Variants in PPP2R2A observed in about 807,000 individuals in gnomAD.
PPP2R2A encodes the protein protein phosphatase 2 regulatory subunit Balpha.
Under a neutral mutation model 53.2 loss-of-function variants are expected in PPP2R2A, and 9 were observed. That is an observed-to-expected ratio of 0.17 (90% confidence interval 0.10 to 0.30). PPP2R2A has a LOEUF of 0.30. Ranked by LOEUF, PPP2R2A falls within the 10% of genes least tolerant of loss-of-function variation. The pLI is 1.00. For synonymous variants in PPP2R2A, 169 were observed against 174.2 expected, an observed-to-expected ratio of 0.97 and a Z score of 0.23; for missense variants, 235 against 534.6, an observed-to-expected ratio of 0.44 and a Z score of 5.53.
At chr8:26,302,579 T>A (rs1479408772) in intron 2 of PPP2R2A, among the ~76,000 whole-genome samples, 1 of 152,220 alleles carries the variant, frequency 6.6e-6, no homozygotes, top group Non-Finnish European at 1.5e-5. Context: ...TCCACCACTG[T>A]GGAATTTTGG....
chr8:26,305,910 T>A (rs889930729), intron 2 of PPP2R2A, among the ~76,000 whole-genome samples: 2 of 152,208 alleles, frequency 1.3e-5, no homozygotes, highest in Non-Finnish European at 2.9e-5. Context: ...CATAAATTTG[T>A]CTTTTACTGC....
intron 7 of PPP2R2A, 35 bp from the exon 8 acceptor site, chr8:26,363,686 C>T: frequency 6.6e-7 from 1 of 1,505,078 alleles, no homozygotes; most frequent in Non-Finnish European, 8.9e-7. Context: ...TATTGTACAC[C>T]TTGCCCTTTT....
chr8:26,359,442 A>G (rs547272796), intron 4 of PPP2R2A, among the ~76,000 whole-genome samples: 7 of 152,354 alleles, frequency 4.6e-5, no homozygotes, highest in Admixed American at 3.3e-4. Context: ...GGTAAAGGAT[A>G]TATGGAACAC....
At chr8:26,333,528 CAA>C (rs912625253) in intron 2 of PPP2R2A, 1 of 1,217,024 alleles carries the variant, frequency 8.2e-7, no homozygotes, top group Non-Finnish European at 1.1e-6. Flanking sequence ...ATTATGAAAT[CAA>C]AGAGTGACTC....
At chr8:26,324,270 G>A (rs1408666804) in intron 2 of PPP2R2A, among the ~76,000 whole-genome samples, 1 of 152,054 alleles carries the variant, frequency 6.6e-6, no homozygotes, top group Non-Finnish European at 1.5e-5. Context: ...ACTTTTTATT[G>A]TTTTAGGGCT....
In PPP2R2A at chr8:26,310,416, A is replaced by G. The variant is rs527532770; in HGVS notation, c.82+16676A>G. 1.9e-4 allele frequency among the ~76,000 whole-genome samples: 29 copies of G among 150,546 alleles called. No individual in the cohort carries two copies. In the East Asian group the frequency reaches 5.6e-3, roughly 29 times the overall value. On this transcript the variant is annotated intron_variant, in intron 2 of 9. Coordinates refer to ENST00000380737, the MANE Select transcript of PPP2R2A (RefSeq NM_002717.4). ...GCATATAGTTCTTTTTCCACAGCAA[A>G]TATGTATTTTCAAAACTGTTATCAG...
At chr8:26,332,081 C>T (rs1360933334) in intron 2 of PPP2R2A, among the ~76,000 whole-genome samples, 4 of 152,072 alleles carry the variant, frequency 2.6e-5, no homozygotes, top group Admixed American at 1.3e-4. Context: ...ACAGGCCAGA[C>T]GCAGTGGCTC....
chr8:26,356,929 A>G (rs1028186920), intron 4 of PPP2R2A, among the ~76,000 whole-genome samples: 2 of 152,192 alleles, frequency 1.3e-5, no homozygotes, highest in Non-Finnish European at 2.9e-5. Flanking sequence ...TACAACGTCT[A>G]TGGATTAAAT....
At chr8:26,292,234 C>G in intron 1 of PPP2R2A, 1 of 1,047,832 alleles carries the variant, frequency 9.5e-7, no homozygotes, top group Middle Eastern at 4.5e-4. Flanking sequence ...TTTCCCCCTG[C>G]TGCAAGCCTT....
chr8:26,362,760 C>G lies in PPP2R2A; in HGVS notation c.714C>G (p.Ser238Arg). 1 of 1,614,028 alleles carries G rather than the reference C, an allele frequency of 6.2e-7. No homozygotes were observed. The highest frequency in any genetic ancestry group is 8.5e-7 in the Non-Finnish European group (1 of 1,179,902). Residue 238 changes from serine (S) to arginine (R), a missense_variant, in exon 7 of 10, where the codon AGC becomes AGG. By Grantham distance (110) the Ser-to-Arg change is moderately radical. Coordinates refer to ENST00000380737, the MANE Select transcript of PPP2R2A (RefSeq NM_002717.4). The surrounding 1 kb of genome is among the most constrained non-coding windows in gnomAD (Gnocchi z 4.4). ...CAGCAGCAGAATTTCATCCAAACAGCTGTAACACATTTGTATACAGCAGCA... is the reference window on the plus strand; with the variant it reads ...CAGCAGCAGAATTTCATCCAAACAGGTGTAACACATTTGTATACAGCAGCA... ...VITAAEFHPN[S>R]CNTFVYSSSK...
Position 26,321,548 on chromosome 8 carries a change from G to A in PPP2R2A, c.83-17342G>A, listed in dbSNP as rs912933947. On this transcript the variant is annotated intron_variant, in intron 2 of 9. Coordinates refer to ENST00000380737, the MANE Select transcript of PPP2R2A (RefSeq NM_002717.4). The surrounding 1 kb of genome is among the most constrained non-coding windows in gnomAD (Gnocchi z 4.1). ...ACAGAAAGGTTTTGGCATCCATGTT[G>A]GGCTGCCCTATTTCACTTGCTGAGG... 6.6e-6 allele frequency among the ~76,000 whole-genome samples: 1 copy of A among 152,182 alleles called. No individual in the cohort carries two copies. Among genetic ancestry groups the A allele is most frequent in the Non-Finnish European group, 1.5e-5 (1 of 68,030 alleles).
At chr8:26,335,262 A>C (rs933327040) in intron 2 of PPP2R2A, among the ~76,000 whole-genome samples, 3 of 152,186 alleles carry the variant, frequency 2.0e-5, no homozygotes, top group Admixed American at 2.0e-4. Context: ...TCCCAGTGAG[A>C]CTGTGAGACA....
At chr8:26,293,084 C>T (rs1801379108) in intron 1 of PPP2R2A, 13 of 599,130 alleles carry the variant, frequency 2.2e-5, no homozygotes, top group Non-Finnish European at 3.3e-5. Context: ...GAACAAGCTT[C>T]CTTTGACAGT....
At chr8:26,349,654 G>T (rs999940762) in intron 3 of PPP2R2A, among the ~76,000 whole-genome samples, 5 of 152,292 alleles carry the variant, frequency 3.3e-5, no homozygotes, top group African/African-American at 1.2e-4. Context: ...AATACTAGCA[G>T]ATTATTACAT....
At chr8:26,301,753 A>G (rs1801800795) in intron 2 of PPP2R2A, among the ~76,000 whole-genome samples, 1 of 152,216 alleles carries the variant, frequency 6.6e-6, no homozygotes, top group Non-Finnish European at 1.5e-5. Context: ...CCCTGAACTC[A>G]TTCCAAATGT....
chr8:26,292,426 G>C lies in PPP2R2A; in HGVS notation c.7+600G>C, dbSNP rs1801342771. The C allele has an allele frequency of 3.0e-6, 3 of 985,450 alleles. No homozygotes were observed. In the African/African-American group the frequency reaches 5.2e-5, roughly 17 times the overall value. 61.0% of individuals were successfully genotyped at this position (985,450 alleles called of 1,614,324 possible). ...GTTTCTTCCCTTTTACCGCCGAAGA[G>C]TGCAAGGCCTTTCATGTACAGCAAG... On this transcript the variant is annotated intron_variant, in intron 1 of 9. Transcript: ENST00000380737.
rs1805673057 is a variant in PPP2R2A at position 26,371,680 on chromosome 8, A to G, written c.*1267A>G. 1 of 152,192 alleles carries G rather than the reference A, an allele frequency of 6.6e-6. No homozygotes were observed. Among genetic ancestry groups the G allele is most frequent in the South Asian group, 2.1e-4 (1 of 4,834 alleles). 9.4% of individuals were successfully genotyped at this position (152,192 alleles called of 1,614,324 possible). On this transcript the variant is annotated 3_prime_UTR_variant, in exon 10 of 10. Transcript: ENST00000380737. ...ACTTTACCATAGATATTTTTCTTCT[A>G]TTTTTGGTTTTCCAAAGCTATATGA...
In PPP2R2A at chr8:26,370,222, A is replaced by T. The variant is rs763565585; in HGVS notation, c.1153A>T (p.Asn385Tyr). The T allele has an allele frequency of 9.3e-6, 15 of 1,614,192 alleles. No individual in the cohort carries two copies. The Admixed American group carries it at 2.5e-4, about 27-fold the overall frequency. ...CATAACCCTAGAAGCATCGCGGGAAAACAATAAGCCTCGCACAGTTCTGAA... is the reference window on the plus strand; with the variant it reads ...CATAACCCTAGAAGCATCGCGGGAATACAATAAGCCTCGCACAGTTCTGAA... ...RDITLEASRENNKPRTVLKPR... is the reference protein window; with the variant it reads ...RDITLEASREYNKPRTVLKPR... The change falls in exon 10 of 10, where the codon AAC becomes TAC. Residue 385 changes from asparagine (N) to tyrosine (Y), a missense_variant. Asn to Tyr is a moderately radical substitution (Grantham distance 143, BLOSUM62 -2). Transcript: ENST00000380737. This position sits in a 1 kb window ranked among gnomAD's most constrained non-coding sequence, Gnocchi z 6.1.
Position 26,362,123 on chromosome 8 carries a change from A to C in PPP2R2A, c.638-561A>C, listed in dbSNP as rs963482981. On this transcript the variant is annotated intron_variant, in intron 6 of 9. Transcript: ENST00000380737. The surrounding 1 kb of genome is among the most constrained non-coding windows in gnomAD (Gnocchi z 4.4). ...TTAGAAAAAGATTAGAAAAAGAAAGATTAAAGATTACGATTAGATTAAGAT... is the reference window on the plus strand; with the variant it reads ...TTAGAAAAAGATTAGAAAAAGAAAGCTTAAAGATTACGATTAGATTAAGAT... 6.6e-6 allele frequency among the ~76,000 whole-genome samples: 1 copy of C among 151,474 alleles called. No individual in the cohort carries two copies. The highest frequency in any genetic ancestry group is 1.9e-4 in the East Asian group (1 of 5,194).
Sources: allele counts gnomAD v4.1 joint callset (sites outside exome capture counted in the v4.1 genomes callset), GRCh38; gene constraint gnomAD v4.1.1; non-coding constraint Gnocchi (gnomAD v3.1); transcripts MANE v1.5; gene names NCBI Gene and HGNC (gene_info 2026-07-23, HGNC 2026-07-21).